CSF2RA: variants seen among roughly 807,000 people sequenced by gnomAD.
The protein encoded by CSF2RA is granulocyte-macrophage colony-stimulating factor receptor subunit alpha.
CSF2RA carries 42 observed loss-of-function variants against 51.6 expected under a neutral mutation model. The observed-to-expected ratio is 0.81, with a 90% CI of 0.64 to 1.05. The LOEUF (loss-of-function observed/expected upper bound fraction) is 1.05, where lower values mean the gene tolerates loss of function less well. Ranked by LOEUF, CSF2RA falls within the 50% of genes least tolerant of loss-of-function variation. The pLI, the probability that CSF2RA is intolerant of heterozygous loss-of-function variation, is 0.00. For synonymous variants in CSF2RA, 222 were observed against 193.0 expected, an observed-to-expected ratio of 1.15 and a Z score of -1.24; for missense variants, 530 against 501.1, an observed-to-expected ratio of 1.06 and a Z score of -0.55.
At chrX:1,322,946 G>A in the CSF2RA span, among the ~76,000 whole-genome samples, 3 of 150,634 alleles carry the variant, frequency 2.0e-5, no homozygotes, top group Admixed American at 6.6e-5. Flanking sequence ...TGGCTGACAC[G>A]GTGAAACCTC....
chrX:1,314,267 G>GTGCCTGCCCAACCCCACTT (rs2084329159), downstream of CSF2RA, among the ~76,000 whole-genome samples: 1 of 26,758 alleles, frequency 3.7e-5, no homozygotes, highest in African/African-American at 1.2e-4. Flanking sequence ...CAACCCCACT[G>GTGCCTGCCCAACCCCACTT]CGCCTGCCCA....
chrX:1,306,662 C>CA (rs1159378386), intron 12 of CSF2RA, among the ~76,000 whole-genome samples: 3 of 151,370 alleles, frequency 2.0e-5, no homozygotes, highest in South Asian at 2.1e-4. Flanking sequence ...CAAAACAAAA[C>CA]AAAAAAATCA....
At chrX:1,274,039 A>C (rs1344609204) in intron 1 of CSF2RA, among the ~76,000 whole-genome samples, 1 of 152,154 alleles carries the variant, frequency 6.6e-6, no homozygotes, top group African/African-American at 2.4e-5. Flanking sequence ...GGATCAGCCG[A>C]AAATTTCCAG....
intron 2 of CSF2RA, among the ~76,000 whole-genome samples, chrX:1,279,941 C>T (rs1419889221): frequency 6.6e-6 from 1 of 151,942 alleles, no homozygotes; most frequent in African/African-American, 2.4e-5. Flanking sequence ...AGGCACCCAC[C>T]ACCCCACCCG....
At chrX:1,289,872 TTG>T (rs2091196294) in intron 6 of CSF2RA, among the ~76,000 whole-genome samples, 2 of 145,666 alleles carry the variant, frequency 1.4e-5, no homozygotes, top group African/African-American at 5.0e-5. Context: ...GTTTTGTGTT[TTG>T]TGTTTTTGTG....
At chrX:1,319,358 G>A in the CSF2RA span, among the ~76,000 whole-genome samples, 1 of 147,108 alleles carries the variant, frequency 6.8e-6, no homozygotes, top group African/African-American at 2.5e-5. Flanking sequence ...CACGATCATG[G>A]CTCACTGTAG....
chrX:1,309,013 G>A (rs2083958461), intron 12 of CSF2RA, among the ~76,000 whole-genome samples: 1 of 151,898 alleles, frequency 6.6e-6, no homozygotes, highest in Non-Finnish European at 1.5e-5. Flanking sequence ...GGATCACCTC[G>A]AGGTCAGGAG....
At chrX:1,323,656 G>A in the CSF2RA span, among the ~76,000 whole-genome samples, 3,603 of 152,100 alleles carry the variant, frequency 0.024, 143 homozygotes, top group African/African-American at 0.081. Context: ...GGCTGAGGCA[G>A]CAAGATCTCT....
At chrX:1,300,822 C>T (rs181143429) in intron 10 of CSF2RA, among the ~76,000 whole-genome samples, 196 bp downstream of exon 10, 1 of 152,186 alleles carries the variant, frequency 6.6e-6, no homozygotes, top group Non-Finnish European at 1.5e-5. Flanking sequence ...CATTGCTTTG[C>T]TGATGTTTTT....
chrX:1,294,270 G>A (rs1214159710), intron 7 of CSF2RA, 58 bp from the exon 8 acceptor site: 3 of 1,608,650 alleles, frequency 1.9e-6, no homozygotes, highest in Non-Finnish European at 2.5e-6. Context: ...CCTCCACCTG[G>A]ACCCAGTGTA....
At chrX:1,299,265 G>A (rs2092216031) in intron 9 of CSF2RA, among the ~76,000 whole-genome samples, 1 of 152,160 alleles carries the variant, frequency 6.6e-6, no homozygotes, top group African/African-American at 2.4e-5. Flanking sequence ...TTTAGAGTGA[G>A]TACTGTTGCC....
Position 1,280,357 on chromosome X carries a change from G to T in CSF2RA, c.-26-2321G>T, listed in dbSNP as rs1361004191. On this transcript the variant is annotated intron_variant, in intron 2 of 12. Coordinates refer to ENST00000381529, the MANE Select transcript of CSF2RA (RefSeq NM_172245.4). ...ATAATGGCGGGCGCCTATAATCCCA[G>T]CTACTTGGGAGGCCGAGGCAGGAGA... is the stretch of plus-strand genomic sequence containing the variant. Among the ~76,000 whole-genome samples the T allele has an allele frequency of 1.3e-4, 20 of 151,576 alleles. No individual in the cohort carries two copies. In the Admixed American group the frequency reaches 1.3e-3, roughly 10 times the overall value.
chrX:1,309,841 T>A lies in CSF2RA; in HGVS notation c.*362T>A, dbSNP rs1310440625. 1.7e-6 allele frequency: 1 copy of A among 602,926 alleles called. No homozygotes were observed. Among genetic ancestry groups the A allele is most frequent in the Non-Finnish European group, 2.9e-6 (1 of 339,476 alleles). 37.3% of individuals were successfully genotyped at this position (602,926 alleles called of 1,614,324 possible). A position where few individuals can be genotyped will look rare whatever the true frequency, so the allele number is the denominator to read the frequency against. ...AGGCGGAGGTTGTAGTGAGCCAAGA[T>A]CGCACCATTGCACACCAACCTGCGT... On this transcript the variant is annotated 3_prime_UTR_variant, in exon 13 of 13. Transcript: ENST00000381529.
At position 1,288,590 on chromosome X, in the gene CSF2RA, C is replaced by G. The variant is rs76312561; in HGVS notation, c.291C>G (p.His97Gln). Residue 97 changes from histidine to glutamine, a missense_variant, in exon 5 of 13, where the codon CAC becomes CAG. Physicochemically the swap from His to Gln is conservative, Grantham distance 24 (BLOSUM62 0). Coordinates refer to ENST00000381529, the MANE Select transcript of CSF2RA (RefSeq NM_172245.4). ...CLHEGVTFEV[H>Q]VNTSQRGFQQ... ...ATGAAGGAGTCACATTTGAGGTTCACGTGAATACTAGTCAAAGAGGATTTC... is the reference window on the plus strand; with the variant it reads ...ATGAAGGAGTCACATTTGAGGTTCAGGTGAATACTAGTCAAAGAGGATTTC... 2 of 1,613,768 alleles carry G rather than the reference C, an allele frequency of 1.2e-6. No homozygotes were observed. The highest frequency in any genetic ancestry group is 1.7e-6 in the Non-Finnish European group (2 of 1,179,850).
rs1354337549 is a variant in CSF2RA at position 1,301,538 on chromosome X, TCAAACCGTCACCATTCCGGCTC to T, written c.946+914_946+935del. 4.8e-3 allele frequency among the ~76,000 whole-genome samples: 729 copies of T among 150,434 alleles called. 6 individuals are homozygous for T. The highest frequency in any genetic ancestry group is 0.016 in the African/African-American group (669 of 41,018). On this transcript the variant is annotated intron_variant, in intron 10 of 12. Coordinates refer to ENST00000381529, the MANE Select transcript of CSF2RA (RefSeq NM_172245.4). ...AAACAATCAGTCAGTCTTTGTCCGG[TCAAACCGTCACCATTCCGGCTC>T]CCTGGCCAAGGGGAAGCTCTCTCCC...
chrX:1,272,642 T>A (rs1224314727), intron 1 of CSF2RA, among the ~76,000 whole-genome samples: 3 of 151,142 alleles, frequency 2.0e-5, no homozygotes, highest in African/African-American at 7.3e-5. Context: ...CACCCGCCAC[T>A]ACGCCCAGCT....
intron 2 of CSF2RA, among the ~76,000 whole-genome samples, chrX:1,278,030 G>A (rs1187388023): frequency 6.8e-6 from 1 of 146,374 alleles, no homozygotes; most frequent in African/African-American, 2.5e-5. Flanking sequence ...AAGTAAAATA[G>A]TGAAAGACTA....
the CSF2RA span, among the ~76,000 whole-genome samples, chrX:1,320,499 C>CT: frequency 0.74 from 103,796 of 139,454 alleles, 38,881 homozygotes; most frequent in East Asian, 0.92. Flanking sequence ...GCCAATGTGG[C>CT]TTTTTTTTTT....
At chrX:1,269,254 G>GT (rs2088012938) in intron 1 of CSF2RA, among the ~76,000 whole-genome samples, 1 of 152,186 alleles carries the variant, frequency 6.6e-6, no homozygotes, top group Admixed American at 6.6e-5. Flanking sequence ...GCTACAGGGC[G>GT]TTGGGGTGTA....
Sources: gnomAD v4.1 joint callset for allele counts (sites outside exome capture counted in the v4.1 genomes callset) on GRCh38, gnomAD v4.1.1 for gene constraint, MANE v1.5 for transcripts, NCBI Gene and HGNC (gene_info 2026-07-23, HGNC 2026-07-21) for gene names.